FAM228B: variants seen among roughly 807,000 people sequenced by gnomAD.
FAM228B encodes family with sequence similarity 228 member B.
A neutral mutation model predicts 42.6 loss-of-function variants in FAM228B; 38 were observed. The observed-to-expected ratio is 0.89, with a 90% confidence interval of 0.69 to 1.17. The LOEUF (loss-of-function observed/expected upper bound fraction) is 1.17. Ranked by LOEUF, FAM228B falls within the 50% of genes most tolerant of loss-of-function variation. The probability of loss-of-function intolerance (pLI) is 0.00; values close to 1 mark genes in which losing one functional copy is unlikely to be tolerated. For synonymous variants in FAM228B, 109 were observed against 122.3 expected (o/e 0.89, Z 0.72); for missense variants, 344 against 367.3 (o/e 0.94, Z 0.52).
rs969440444 is a variant in FAM228B at position 24,084,450 on chromosome 2, C to T, written c.-210+3495C>T. ...CTGTATCCTCGCGGAGCAGCCCAGC[C>T]TCAGGCTGGCACCGCAGCGCCCCCT... On this transcript the variant is annotated intron_variant, in intron 2 of 10. Transcript: ENST00000613899. This position sits in a 1 kb window ranked among gnomAD's most constrained non-coding sequence, Gnocchi z 8.4. 7.9e-7 allele frequency: 1 copy of T among 1,262,582 alleles called. No homozygotes were observed. Among genetic ancestry groups the T allele is most frequent in the African/African-American group, 1.6e-5 (1 of 64,192 alleles). The allele number at this position is 1,262,582 out of a possible 1,614,324, so 78.2% of individuals were successfully genotyped here.
chr2:24,130,467 G>A (rs1158785253), intron 2 of FAM228B, among the ~76,000 whole-genome samples: 1 of 152,162 alleles, frequency 6.6e-6, no homozygotes, highest in Non-Finnish European at 1.5e-5. Context: ...AGCCTCACAA[G>A]CATGTATTGT....
intron 2 of FAM228B, chr2:24,082,922 C>G (rs1241164871): frequency 2.4e-5 from 39 of 1,612,756 alleles, no homozygotes; most frequent in Non-Finnish European, 3.2e-5. Context: ...TGAGCCAGGC[C>G]TCTGGGATGG....
intron 2 of FAM228B, among the ~76,000 whole-genome samples, chr2:24,083,681 C>T (rs965559545): frequency 1.3e-5 from 2 of 152,168 alleles, no homozygotes; most frequent in Non-Finnish European, 2.9e-5. Context: ...TGGCCCAGGT[C>T]AGTAAATCAG....
chr2:24,091,865 T>G (rs966162010), intron 2 of FAM228B, among the ~76,000 whole-genome samples: 2 of 152,196 alleles, frequency 1.3e-5, no homozygotes, highest in Non-Finnish European at 2.9e-5. Flanking sequence ...CAGTATATTT[T>G]TTGATTGGAT....
At chr2:24,096,096 A>G (rs1381946560) in intron 3 of FAM228B, 10 of 152,204 alleles carry the variant, frequency 6.6e-5, no homozygotes, top group Non-Finnish European at 4.4e-5. Flanking sequence ...CATCACCAAA[A>G]AGGTCATCTA....
intron 9 of FAM228B, chr2:24,165,449 TC>T: frequency 4.2e-6 from 2 of 471,124 alleles, no homozygotes; most frequent in Non-Finnish European, 8.8e-6. Flanking sequence ...CTGCTGTCAG[TC>T]CCCTACGTGA....
chr2:24,098,868 A>G (rs1036972207), intron 3 of FAM228B, among the ~76,000 whole-genome samples: 1 of 152,256 alleles, frequency 6.6e-6, no homozygotes, highest in South Asian at 2.1e-4. Flanking sequence ...ATGAACATCA[A>G]TGCGAAAATC....
At chr2:24,113,158 G>A (rs1473280457) in intron 3 of FAM228B, among the ~76,000 whole-genome samples, 1 of 152,042 alleles carries the variant, frequency 6.6e-6, no homozygotes, top group Non-Finnish European at 1.5e-5. Context: ...GCACAAAGCC[G>A]ACTATGTGCT....
intron 7 of FAM228B, among the ~76,000 whole-genome samples, chr2:24,148,173 C>T (rs779100632): frequency 3.9e-4 from 59 of 151,926 alleles, no homozygotes; most frequent in Non-Finnish European, 6.0e-4. Flanking sequence ...GCTTAGAGTG[C>T]GGGTGGGGTG....
chr2:24,159,893 G>A (rs1031288039), intron 7 of FAM228B, among the ~76,000 whole-genome samples: 6 of 151,708 alleles, frequency 4.0e-5, no homozygotes, highest in South Asian at 2.1e-4. Flanking sequence ...CTGATTTTCC[G>A]TCCTTTCTCT....
intron 7 of FAM228B, among the ~76,000 whole-genome samples, chr2:24,158,410 A>G (rs749682561): frequency 3.9e-5 from 6 of 152,110 alleles, no homozygotes; most frequent in Non-Finnish European, 7.4e-5. Context: ...ATGACCAGTC[A>G]CTGATTAAGT....
In FAM228B at chr2:24,115,568, T is replaced by C. The variant is rs750461058; in HGVS notation, c.-120-19551T>C. ...TCTAAAATAATAAAATTGTCTTTCATGGGCCTCTGATGACTTAACTTCCTT... is the reference window on the plus strand; with the variant it reads ...TCTAAAATAATAAAATTGTCTTTCACGGGCCTCTGATGACTTAACTTCCTT... On this transcript the variant is annotated intron_variant, in intron 3 of 10. Coordinates refer to the FAM228B transcript ENST00000613899. The C allele has an allele frequency of 9.3e-6, 15 of 1,608,100 alleles. No homozygotes were observed. In the South Asian group the frequency reaches 1.7e-4, roughly 18 times the overall value.
At chr2:24,109,145 A>C (rs1665747896) in intron 3 of FAM228B, among the ~76,000 whole-genome samples, 1 of 144,980 alleles carries the variant, frequency 6.9e-6, no homozygotes, top group African/African-American at 2.5e-5. Context: ...ATCTTCAACA[A>C]AGTTGACAAA....
chr2:24,126,604 A>G lies in FAM228B; in HGVS notation c.99+2144A>G, dbSNP rs542208515. ...TGAGATATAATTTACATGCCATAAG[A>G]TTCACTACTTTTTTTTTTTTTTTTG... is the stretch of plus-strand genomic sequence containing the variant. On this transcript the variant is annotated intron_variant, in intron 2 of 10. Transcript: ENST00000615575. 2.7e-5 allele frequency among the ~76,000 whole-genome samples: 4 copies of G among 149,020 alleles called. No homozygotes were observed. The East Asian group carries it at 7.8e-4, about 29-fold the overall frequency.
chr2:24,107,268 G>C (rs1001196006), intron 3 of FAM228B, among the ~76,000 whole-genome samples: 1 of 152,170 alleles, frequency 6.6e-6, no homozygotes, highest in Non-Finnish European at 1.5e-5. Context: ...GGAGCACCCA[G>C]ATTCATAAAA....
upstream of FAM228B, chr2:24,119,576 C>T (rs755401779): frequency 7.4e-6 from 12 of 1,612,162 alleles, no homozygotes; most frequent in East Asian, 2.2e-5. Context: ...GGCCAACTTA[C>T]CCAGGCTCTC....
chr2:24,120,286 CAA>C (rs1307180740), upstream of FAM228B, among the ~76,000 whole-genome samples: 26 of 150,510 alleles, frequency 1.7e-4, no homozygotes, highest in South Asian at 6.3e-4. Flanking sequence ...AAAACAACAA[CAA>C]AACAAAACAA....
chr2:24,153,757 A>G (rs561245428), intron 7 of FAM228B, among the ~76,000 whole-genome samples: 1 of 152,288 alleles, frequency 6.6e-6, no homozygotes, highest in Non-Finnish European at 1.5e-5. Flanking sequence ...AGCTCAGCCC[A>G]ACATGAGGAA....
In FAM228B at chr2:24,084,250, C is replaced by T; in HGVS notation, c.-210+3295C>T. On this transcript the variant is annotated intron_variant, in intron 2 of 10. Transcript: ENST00000613899. The surrounding 1 kb of genome is among the most constrained non-coding windows in gnomAD (Gnocchi z 8.4). ...CACCTTCAGGAGGACTTCACCCTCC[C>T]CCGGGCTCGGCTTGGCCACCTCCTT... 2 of 1,614,156 alleles carry T rather than the reference C, an allele frequency of 1.2e-6. No homozygotes were observed. The highest frequency in any genetic ancestry group is 1.7e-6 in the Non-Finnish European group (2 of 1,180,006).
Sources: gnomAD v4.1 joint callset for allele counts (sites outside exome capture counted in the v4.1 genomes callset) on GRCh38, gnomAD v4.1.1 for gene constraint, Gnocchi (gnomAD v3.1) non-coding constraint, MANE v1.5 for transcripts, NCBI Gene and HGNC (gene_info 2026-07-23, HGNC 2026-07-21) for gene names.